Variants in CNTNAP5 observed in about 807,000 individuals in gnomAD.
CNTNAP5 encodes the protein contactin-associated protein-like 5.
A neutral mutation model predicts 150.2 loss-of-function variants in CNTNAP5; 72 were observed. The observed-to-expected ratio is 0.48, with a 90% confidence interval of 0.40 to 0.58. The LOEUF (loss-of-function observed/expected upper bound fraction) is 0.58. Ranked by LOEUF, CNTNAP5 falls within the 20% of genes least tolerant of loss-of-function variation. The pLI, the probability that CNTNAP5 is intolerant of heterozygous loss-of-function variation, is 0.00. For synonymous variants in CNTNAP5, 672 were observed against 619.8 expected, an observed-to-expected ratio of 1.08 and a Z score of -1.25; for missense variants, 1,636 against 1,626.2, an observed-to-expected ratio of 1.01 and a Z score of -0.10.
chr2:124,472,676 C>G (rs951617604), intron 6 of CNTNAP5, among the ~76,000 whole-genome samples: 1 of 151,478 alleles, frequency 6.6e-6, no homozygotes, highest in African/African-American at 2.4e-5. Flanking sequence ...TCAAGTCGCA[C>G]AAAGTTTTTG....
intron 1 of CNTNAP5, among the ~76,000 whole-genome samples, chr2:124,185,140 CT>C (rs1685305036): frequency 6.6e-6 from 1 of 152,270 alleles, no homozygotes; most frequent in South Asian, 2.1e-4. Context: ...CCTTAGTTTC[CT>C]TATTAAAATT....
intron 22 of CNTNAP5, 137 bp downstream of exon 22, chr2:124,903,237 G>A: frequency 1.9e-6 from 1 of 536,708 alleles, no homozygotes. Context: ...TAAAAATTAT[G>A]ACTGATATTT....
In CNTNAP5 at chr2:124,902,887, C is replaced by G. The variant is rs1317305667; in HGVS notation, c.3442C>G (p.Leu1148Val). Residue 1148 changes from leucine to valine, a missense_variant, in exon 22 of 24, where the codon CTT (leucine) becomes GTT (valine). By Grantham distance (32) the Leu-to-Val change is conservative. Transcript: ENST00000682447. Reference sequence around the variant, plus strand: ...GATTATCTTTTACATTGCAGAGAATCTTGGTTTGGATTCTGAAGTTGCTAA... The same window carrying G: ...GATTATCTTTTACATTGCAGAGAATGTTGGTTTGGATTCTGAAGTTGCTAA... ...SLTLGKVTEN[L>V]GLDSEVAKAN... The G allele has an allele frequency of 6.2e-7, 1 of 1,604,704 alleles. No individual in the cohort carries two copies. Among genetic ancestry groups the G allele is most frequent in the Non-Finnish European group, 8.5e-7 (1 of 1,173,480 alleles).
intron 16 of CNTNAP5, among the ~76,000 whole-genome samples, chr2:124,764,705 T>C (rs1453012358): frequency 1.3e-5 from 2 of 152,126 alleles, no homozygotes; most frequent in African/African-American, 4.8e-5. Flanking sequence ...ATAAACTATA[T>C]TCAGTAATAA....
At chr2:124,086,486 A>G (rs1438216514) in intron 1 of CNTNAP5, among the ~76,000 whole-genome samples, 1 of 151,456 alleles carries the variant, frequency 6.6e-6, no homozygotes, top group Non-Finnish European at 1.5e-5. Context: ...TACAAGCGTG[A>G]GCCACTGTAC....
intron 19 of CNTNAP5, among the ~76,000 whole-genome samples, chr2:124,806,594 T>C (rs773795887): frequency 1.8e-4 from 27 of 152,320 alleles, no homozygotes; most frequent in Middle Eastern, 3.4e-3. Context: ...TTTCCAATAA[T>C]TGAGCAACTG....
chr2:124,783,771 A>T (rs1213256702), intron 17 of CNTNAP5, among the ~76,000 whole-genome samples: 1 of 152,132 alleles, frequency 6.6e-6, no homozygotes, highest in Non-Finnish European at 1.5e-5. Flanking sequence ...GATCACTATT[A>T]TTATTTTACC....
intron 1 of CNTNAP5, among the ~76,000 whole-genome samples, chr2:124,035,277 T>A (rs776618001): frequency 2.0e-5 from 3 of 152,150 alleles, no homozygotes; most frequent in Non-Finnish European, 4.4e-5. Flanking sequence ...ATTTTTTAAG[T>A]CTTTTCCCCC....
intron 11 of CNTNAP5, among the ~76,000 whole-genome samples, chr2:124,589,808 AC>A (rs1696639848): frequency 6.6e-6 from 1 of 152,178 alleles, no homozygotes; most frequent in African/African-American, 2.4e-5. Context: ...GTAGACTTGC[AC>A]AATCACTGCC....
At chr2:124,857,157 C>A (rs145321889) in intron 19 of CNTNAP5, among the ~76,000 whole-genome samples, 20 of 152,160 alleles carry the variant, frequency 1.3e-4, no homozygotes, top group Non-Finnish European at 2.8e-4. Context: ...GACAGTGAGC[C>A]TCCCCATAAG....
chr2:124,227,671 TG>T (rs1686498481), intron 2 of CNTNAP5, among the ~76,000 whole-genome samples: 1 of 151,652 alleles, frequency 6.6e-6, no homozygotes, highest in Admixed American at 6.6e-5. Context: ...TGTGTGTGTG[TG>T]TGTGTGTATT....
At chr2:124,724,318 G>A (rs1680110328) in intron 13 of CNTNAP5, among the ~76,000 whole-genome samples, 1 of 152,044 alleles carries the variant, frequency 6.6e-6, no homozygotes, top group South Asian at 2.1e-4. Flanking sequence ...CAGATTAAGA[G>A]ATGTGTAGGG....
At chr2:124,603,025 CCCTT>C (rs1267921383) in intron 11 of CNTNAP5, among the ~76,000 whole-genome samples, 2 of 111,138 alleles carry the variant, frequency 1.8e-5, no homozygotes, top group African/African-American at 7.0e-5. Flanking sequence ...CTCCCTCCCT[CCCTT>C]CTTTCCTTCC....
intron 3 of CNTNAP5, among the ~76,000 whole-genome samples, chr2:124,252,219 A>T (rs1687198422): frequency 6.6e-6 from 1 of 152,174 alleles, no homozygotes; most frequent in African/African-American, 2.4e-5. Flanking sequence ...TGTATAGAAG[A>T]AGAACCAAGC....
At chr2:124,295,800 C>T (rs1445921716) in intron 3 of CNTNAP5, among the ~76,000 whole-genome samples, 13 of 152,086 alleles carry the variant, frequency 8.5e-5, no homozygotes, top group Non-Finnish European at 1.5e-4. Flanking sequence ...AGGGTTCCTC[C>T]CAATTTTAGA....
rs1678402514 is a variant in CNTNAP5 at position 124,654,667 on chromosome 2, C to T, written c.2077+6709C>T. Among the ~76,000 whole-genome samples, 3 of 152,118 alleles carry T rather than the reference C, an allele frequency of 2.0e-5. 1 individual carries two copies. Among genetic ancestry groups the T allele is most frequent in the South Asian group, 4.1e-4 (2 of 4,830 alleles). ...CTTGGAGGTCCGCGTCAGAGAGCTG[C>T]AATCTTTGCAGTCTATGGCACCACC... On this transcript the variant is annotated intron_variant, in intron 13 of 23. Coordinates refer to ENST00000682447, the MANE Select transcript of CNTNAP5 (RefSeq NM_001367498.1).
chr2:124,515,291 G>T (rs1442878169), intron 8 of CNTNAP5, among the ~76,000 whole-genome samples: 1 of 152,154 alleles, frequency 6.6e-6, no homozygotes, highest in Non-Finnish European at 1.5e-5. Flanking sequence ...GCAGAGCGGG[G>T]GGTGTCCCAA....
intron 14 of CNTNAP5, among the ~76,000 whole-genome samples, chr2:124,747,642 A>G (rs901866702): frequency 5.1e-5 from 6 of 117,572 alleles, no homozygotes; most frequent in Non-Finnish European, 9.9e-5. Flanking sequence ...TTTTTTTGAG[A>G]CAGAGTCTCA....
intron 3 of CNTNAP5, among the ~76,000 whole-genome samples, chr2:124,405,841 G>T (rs190417615): frequency 6.6e-6 from 1 of 152,142 alleles, no homozygotes; most frequent in Non-Finnish European, 1.5e-5. Context: ...TCAGCACTTT[G>T]TTACTTTTTA....
Sources: gnomAD v4.1 joint callset for allele counts (sites outside exome capture counted in the v4.1 genomes callset) on GRCh38, gnomAD v4.1.1 for gene constraint, MANE v1.5 for transcripts, NCBI Gene and HGNC (gene_info 2026-07-23, HGNC 2026-07-21) for gene names.